FARS2: variants seen among roughly 807,000 people sequenced by gnomAD.
The protein encoded by FARS2 is phenylalanine--tRNA ligase, mitochondrial.
Under a neutral mutation model 46.4 loss-of-function variants are expected in FARS2, and 40 were observed. The ratio of observed to expected loss-of-function variants is 0.86; its 90% CI spans 0.67 to 1.12. The LOEUF is 1.12. Ranked by LOEUF, FARS2 falls within the 50% of genes most tolerant of loss-of-function variation. The pLI is 0.00. For synonymous variants in FARS2, 234 were observed against 214.9 expected (o/e 1.09, Z -0.78); for missense variants, 513 against 567.9 (o/e 0.90, Z 0.98).
At chr6:5,663,980 A>T (rs1777978720) in intron 6 of FARS2, among the ~76,000 whole-genome samples, 1 of 152,148 alleles carries the variant, frequency 6.6e-6, no homozygotes, top group Non-Finnish European at 1.5e-5. Context: ...CCCACAGTAG[A>T]TGGCTGTGTT....
intron 4 of FARS2, among the ~76,000 whole-genome samples, chr6:5,475,298 C>T (rs1582213234): frequency 1.3e-5 from 2 of 152,094 alleles, no homozygotes; most frequent in Admixed American, 6.5e-5. Flanking sequence ...ATTTTAGGCA[C>T]GTGCAAGAAT....
intron 6 of FARS2, among the ~76,000 whole-genome samples, chr6:5,731,085 C>G (rs1427537816): frequency 1.3e-5 from 2 of 152,148 alleles, no homozygotes; most frequent in Non-Finnish European, 2.9e-5. Context: ...TACAGCCCGC[C>G]CCCGATGATT....
chr6:5,692,710 A>G (rs1757831636), intron 6 of FARS2, among the ~76,000 whole-genome samples: 1 of 152,268 alleles, frequency 6.6e-6, no homozygotes, highest in African/African-American at 2.4e-5. Context: ...TCGATAATAG[A>G]TGCTGGTGTG....
upstream of FARS2, chr6:5,261,006 C>G: frequency 9.4e-7 from 1 of 1,063,440 alleles, no homozygotes; most frequent in Non-Finnish European, 1.1e-6. Context: ...GCCCCGATCC[C>G]GCCCCCGCCC....
intron 2 of FARS2, among the ~76,000 whole-genome samples, chr6:5,402,197 A>T: frequency 6.7e-6 from 1 of 149,288 alleles, no homozygotes; most frequent in African/African-American, 2.5e-5. Context: ...TGGAATTTAG[A>T]TTTTGTTTCT....
chr6:5,574,023 A>G (rs1028349929), intron 5 of FARS2, among the ~76,000 whole-genome samples: 2 of 152,250 alleles, frequency 1.3e-5, no homozygotes, highest in African/African-American at 4.8e-5. Context: ...AAGGCTGGCA[A>G]ACTTTTTCCA....
chr6:5,485,377 T>A (rs1766712620), intron 4 of FARS2, among the ~76,000 whole-genome samples: 1 of 152,194 alleles, frequency 6.6e-6, no homozygotes, highest in Admixed American at 6.5e-5. Flanking sequence ...TTGGTCAGCA[T>A]TTTTTGCCTT....
intron 2 of FARS2, among the ~76,000 whole-genome samples, chr6:5,388,079 T>C (rs773886762): frequency 1.3e-5 from 2 of 152,196 alleles, no homozygotes; most frequent in South Asian, 4.1e-4. Flanking sequence ...TTTGTTCTTT[T>C]GTTTCTAAAC....
At chr6:5,503,761 A>G (rs1039198716) in intron 4 of FARS2, among the ~76,000 whole-genome samples, 32 of 152,142 alleles carry the variant, frequency 2.1e-4, no homozygotes, top group African/African-American at 7.7e-4. Context: ...ATTTTTTTCA[A>G]TACTGAAGTT....
At chr6:5,302,871 G>T (rs1166194313) in intron 1 of FARS2, among the ~76,000 whole-genome samples, 1 of 152,130 alleles carries the variant, frequency 6.6e-6, no homozygotes, top group African/African-American at 2.4e-5. Flanking sequence ...AACAGAGAGC[G>T]GGACTGTGTG....
chr6:5,392,635 T>G (rs1175874153), intron 2 of FARS2, among the ~76,000 whole-genome samples: 1 of 151,576 alleles, frequency 6.6e-6, no homozygotes, highest in African/African-American at 2.4e-5. Context: ...GAGGATTGCT[T>G]GAGCCTAGGA....
intron 3 of FARS2, among the ~76,000 whole-genome samples, chr6:5,408,820 AG>A (rs1328824278): frequency 2.0e-5 from 3 of 152,168 alleles, no homozygotes; most frequent in Non-Finnish European, 4.4e-5. Context: ...ATCATGTCTG[AG>A]GGAACAAGAA....
At chr6:5,371,219 A>G (rs1225137065) in intron 2 of FARS2, 1 of 979,324 alleles carries the variant, frequency 1.0e-6, no homozygotes, top group Non-Finnish European at 1.2e-6. Context: ...CTGAATTCCT[A>G]ACCTCAACTA....
rs756735318 is a variant in FARS2 at position 5,343,972 on chromosome 6, CCT to C, written c.-21-24575_-21-24574del. ...TGGGCACTGCCTGCTTCTGAGGTGT[CCT>C]CTGTCTTTGCTGTGAGCGGCGTGAC... On this transcript the variant is annotated intron_variant, in intron 1 of 6. Transcript: ENST00000274680. The surrounding 1 kb of genome is among the most constrained non-coding windows in gnomAD (Gnocchi z 4.5). 1.3e-5 allele frequency among the ~76,000 whole-genome samples: 2 copies of C among 152,230 alleles called. No homozygotes were observed. The highest frequency in any genetic ancestry group is 2.4e-5 in the African/African-American group (1 of 41,466).
rs913025360 is a variant in FARS2 at position 5,416,558 on chromosome 6, C to T, written c.772+11857C>T. Among the ~76,000 whole-genome samples, 11 of 152,206 alleles carry T rather than the reference C, an allele frequency of 7.2e-5. No homozygotes were observed. In the East Asian group the frequency reaches 9.6e-4, roughly 13 times the overall value. ...CAGTAGCTTTATAATGCCTTAAAAT[C>T]GGTTAAATTCTTGTAACTTTGTTCT... On this transcript the variant is annotated intron_variant, in intron 3 of 6. Transcript: ENST00000274680.
chr6:5,450,778 C>G (rs1002561769), intron 4 of FARS2, among the ~76,000 whole-genome samples: 1 of 152,094 alleles, frequency 6.6e-6, no homozygotes, highest in Non-Finnish European at 1.5e-5. Flanking sequence ...CTCTGAGAAC[C>G]TCTTCTTAGG....
intron 6 of FARS2, among the ~76,000 whole-genome samples, chr6:5,679,425 T>A (rs1203346999): frequency 1.3e-5 from 2 of 152,078 alleles, no homozygotes; most frequent in African/African-American, 4.8e-5. Context: ...CCCTGTTGAG[T>A]GCTTTTGCAG....
chr6:5,512,494 T>C (rs1188490719), intron 4 of FARS2, among the ~76,000 whole-genome samples: 1 of 152,156 alleles, frequency 6.6e-6, no homozygotes, highest in Non-Finnish European at 1.5e-5. Flanking sequence ...TGGGTGTCTT[T>C]ATGAAGGAGA....
chr6:5,606,361 G>T (rs1173134393), intron 5 of FARS2, among the ~76,000 whole-genome samples: 1 of 151,864 alleles, frequency 6.6e-6, no homozygotes, highest in East Asian at 1.9e-4. Flanking sequence ...CTAATAGGCG[G>T]CAGGGAAGTT....
Sources: allele counts gnomAD v4.1 joint callset (sites outside exome capture counted in the v4.1 genomes callset), GRCh38; gene constraint gnomAD v4.1.1; non-coding constraint Gnocchi (gnomAD v3.1); transcripts MANE v1.5; gene names NCBI Gene and HGNC (gene_info 2026-07-23, HGNC 2026-07-21).